The following TEAD1 variants were observed in gnomAD, a reference collection of about 807,000 sequenced individuals.
TEAD1 encodes the protein TEA domain transcription factor 1.
A neutral mutation model predicts 54.9 loss-of-function variants in TEAD1; 9 were observed. The ratio of observed to expected loss-of-function variants is 0.16; its 90% confidence interval spans 0.10 to 0.29. The LOEUF (loss-of-function observed/expected upper bound fraction) is 0.29. Among genes scored for constraint, TEAD1 ranks in the 10% least tolerant of loss-of-function variants. The pLI, the probability that TEAD1 is intolerant of heterozygous loss-of-function variation, is 1.00. For synonymous variants in TEAD1, 200 were observed against 187.8 expected (o/e 1.07, Z -0.53); for missense variants, 387 against 535.9 (o/e 0.72, Z 2.74).
chr11:12,747,339 TTTTA>T (rs1944767051), intron 2 of TEAD1, among the ~76,000 whole-genome samples: 2 of 152,164 alleles, frequency 1.3e-5, no homozygotes, highest in South Asian at 2.1e-4. Flanking sequence ...AATTTTTGTT[TTTTA>T]TTTATTTTTT....
chr11:12,788,764 G>C (rs1020118202), intron 3 of TEAD1, among the ~76,000 whole-genome samples: 1 of 152,214 alleles, frequency 6.6e-6, no homozygotes, highest in Non-Finnish European at 1.5e-5. Context: ...AAAATACTGA[G>C]TAAAATGCAA....
intron 12 of TEAD1, among the ~76,000 whole-genome samples, chr11:12,932,685 A>G (rs1467555955): frequency 6.6e-6 from 1 of 152,278 alleles, no homozygotes; most frequent in Middle Eastern, 3.4e-3. Flanking sequence ...TGATGCAACT[A>G]TTATATAATA....
intron 3 of TEAD1, among the ~76,000 whole-genome samples, chr11:12,838,009 C>T (rs899599366): frequency 6.6e-5 from 10 of 152,012 alleles, no homozygotes; most frequent in African/African-American, 2.4e-4. Flanking sequence ...GTTGGCCAGG[C>T]TGGTCTCGAA....
intron 3 of TEAD1, among the ~76,000 whole-genome samples, chr11:12,841,433 A>G (rs1947038528): frequency 6.6e-6 from 1 of 152,220 alleles, no homozygotes; most frequent in South Asian, 2.1e-4. Context: ...CCTTAGCATA[A>G]AGAATAAGTA....
intron 3 of TEAD1, among the ~76,000 whole-genome samples, chr11:12,781,974 A>AAAAAAAAAAAAAAAAAAAAAAAAAAAT (rs1945559712): frequency 7.5e-6 from 1 of 133,082 alleles, no homozygotes; most frequent in African/African-American, 4.0e-5. Context: ...AAAAAAAAGA[A>AAAAAAAAAAAAAAAAAAAAAAAAAAAT]AGAAAAAAAG....
intron 2 of TEAD1, among the ~76,000 whole-genome samples, chr11:12,749,104 C>T (rs1944811368): frequency 1.3e-5 from 2 of 152,018 alleles, no homozygotes; most frequent in Admixed American, 1.3e-4. Context: ...GTGTCAGGGC[C>T]CACTGTGCCA....
intron 6 of TEAD1, among the ~76,000 whole-genome samples, chr11:12,880,200 C>T (rs1393827799): frequency 6.6e-6 from 1 of 152,140 alleles, no homozygotes; most frequent in East Asian, 1.9e-4. Context: ...TTTCCTGGCC[C>T]TTGGTCTCTG....
chr11:12,933,971 C>T (rs924826578), intron 12 of TEAD1, among the ~76,000 whole-genome samples: 5 of 152,182 alleles, frequency 3.3e-5, no homozygotes, highest in Non-Finnish European at 7.3e-5. Context: ...TTGTGGAAGT[C>T]AGTGTGGCGA....
chr11:12,687,298 G>A (rs1246574847), intron 2 of TEAD1, among the ~76,000 whole-genome samples: 4 of 152,186 alleles, frequency 2.6e-5, no homozygotes, highest in Non-Finnish European at 5.9e-5. Flanking sequence ...TCAAAGACAG[G>A]TTTTGTGGAG....
intron 2 of TEAD1, among the ~76,000 whole-genome samples, chr11:12,732,627 T>G (rs1944446763): frequency 1.3e-5 from 2 of 152,182 alleles, no homozygotes; most frequent in South Asian, 4.1e-4. Context: ...ACTGGAGGCT[T>G]GAGCTAATTC....
chr11:12,785,891 GT>G (rs1158820563), intron 3 of TEAD1, among the ~76,000 whole-genome samples: 2 of 151,898 alleles, frequency 1.3e-5, no homozygotes, highest in South Asian at 2.1e-4. Context: ...TACTAACTTA[GT>G]TTTTTTTTCC....
At chr11:12,937,028 C>A in intron 12 of TEAD1, 81 bp from the exon 13 acceptor site, 1 of 956,754 alleles carries the variant, frequency 1.0e-6, no homozygotes, top group Non-Finnish European at 1.7e-6. Flanking sequence ...TGTTCTTCTC[C>A]AATTAAGTCA....
chr11:12,900,986 G>C (rs1300642146), intron 9 of TEAD1, among the ~76,000 whole-genome samples: 1 of 152,170 alleles, frequency 6.6e-6, no homozygotes, highest in African/African-American at 2.4e-5. Flanking sequence ...GGAGTATAAC[G>C]TCTAGACCAG....
chr11:12,720,374 T>C (rs941992240), intron 2 of TEAD1, among the ~76,000 whole-genome samples: 4 of 152,184 alleles, frequency 2.6e-5, no homozygotes, highest in African/African-American at 9.6e-5. Flanking sequence ...GTCTGCATGC[T>C]TGTGATTTGG....
chr11:12,711,517 G>T (rs866065963), intron 2 of TEAD1, among the ~76,000 whole-genome samples: 1 of 152,064 alleles, frequency 6.6e-6, no homozygotes, highest in African/African-American at 2.4e-5. Context: ...CTTTCCCCAG[G>T]GGTCCCTGGC....
chr11:12,747,886 T>C (rs1459277394), intron 2 of TEAD1, among the ~76,000 whole-genome samples: 1 of 152,126 alleles, frequency 6.6e-6, no homozygotes, highest in African/African-American at 2.4e-5. Context: ...TCTTTGGGAT[T>C]CTAAAACTCA....
chr11:12,721,683 G>A (rs1361025407), intron 2 of TEAD1, among the ~76,000 whole-genome samples: 1 of 152,038 alleles, frequency 6.6e-6, no homozygotes, highest in East Asian at 1.9e-4. Flanking sequence ...GTTAGCCCAG[G>A]AATTATTTCA....
intron 3 of TEAD1, among the ~76,000 whole-genome samples, chr11:12,805,794 G>A (rs1183489109): frequency 6.6e-6 from 1 of 152,188 alleles, no homozygotes; most frequent in Non-Finnish European, 1.5e-5. Flanking sequence ...GATACACCTT[G>A]TACCTTCCAA....
At chr11:12,883,259 G>T in intron 9 of TEAD1, 134 bp downstream of exon 9, 1 of 1,394,388 alleles carries the variant, frequency 7.2e-7, no homozygotes, top group East Asian at 2.3e-5. Context: ...ACGGGCCTAG[G>T]AAAGAATAGC....
Sources: gnomAD v4.1 joint callset for allele counts (sites outside exome capture counted in the v4.1 genomes callset) on GRCh38, gnomAD v4.1.1 for gene constraint, MANE v1.5 for transcripts, NCBI Gene and HGNC (gene_info 2026-07-23, HGNC 2026-07-21) for gene names.